The following FOCAD variants were observed in gnomAD, a reference collection of about 807,000 sequenced individuals.
FOCAD encodes KIAA1797.
FOCAD carries 198 observed loss-of-function variants against 225.6 expected under a neutral mutation model. The ratio of observed to expected loss-of-function variants is 0.88; its 90% CI spans 0.78 to 0.99. The LOEUF is 0.99. Among genes scored for constraint, FOCAD ranks in the 50% least tolerant of loss-of-function variants. FOCAD has a pLI of 0.00. For synonymous variants in FOCAD, 897 were observed against 755.0 expected (o/e 1.19, Z -3.08); for missense variants, 2,713 against 2,123.6 (o/e 1.28, Z -5.46).
chr9:20,761,514 G>A (rs968213856), intron 6 of FOCAD, among the ~76,000 whole-genome samples: 5 of 151,994 alleles, frequency 3.3e-5, no homozygotes, highest in Admixed American at 1.3e-4. Flanking sequence ...TCTGCCTCAC[G>A]GGTTCACGCC....
chr9:20,910,800 T>C (rs188005185), intron 22 of FOCAD, among the ~76,000 whole-genome samples: 1 of 152,000 alleles, frequency 6.6e-6, no homozygotes, highest in Admixed American at 6.6e-5. Flanking sequence ...TAGCCCAACA[T>C]AGATTGGGTG....
At chr9:20,777,890 C>T (rs903626927) in intron 8 of FOCAD, among the ~76,000 whole-genome samples, 37 of 151,750 alleles carry the variant, frequency 2.4e-4, no homozygotes, top group Admixed American at 6.6e-4. Flanking sequence ...ATCACGAGGT[C>T]AGGAGATCGA....
intron 8 of FOCAD, among the ~76,000 whole-genome samples, chr9:20,773,768 C>T (rs777397560): frequency 2.2e-4 from 34 of 152,250 alleles, no homozygotes; most frequent in Non-Finnish European, 4.1e-4. Context: ...TCCTCCCCCA[C>T]TTTTCTTCCC....
At chr9:20,751,850 C>G (rs1199933693) in intron 5 of FOCAD, among the ~76,000 whole-genome samples, 1 of 144,772 alleles carries the variant, frequency 6.9e-6, no homozygotes. Context: ...GATTGCCATT[C>G]TAACTGGTGT....
chr9:20,956,986 G>A (rs957322943), intron 35 of FOCAD, among the ~76,000 whole-genome samples: 2 of 152,092 alleles, frequency 1.3e-5, no homozygotes, highest in African/African-American at 4.8e-5. Context: ...GAGCCACCGT[G>A]CCTGGCCTGT....
intron 35 of FOCAD, among the ~76,000 whole-genome samples, chr9:20,967,654 T>G (rs900797098): frequency 1.3e-5 from 2 of 152,140 alleles, no homozygotes; most frequent in African/African-American, 4.8e-5. Context: ...TTCTTTATCA[T>G]GTTAACATAG....
intron 36 of FOCAD, 116 bp from the exon 37 acceptor site, chr9:20,978,223 A>G: frequency 1.7e-6 from 1 of 585,092 alleles, no homozygotes; most frequent in Non-Finnish European, 3.0e-6. Context: ...GGTTTACTGA[A>G]GTTCTGTTAC....
In FOCAD at chr9:20,826,646, A is replaced by C. The variant is rs1429453289; in HGVS notation, c.1920+3531A>C. Among the ~76,000 whole-genome samples, 3 of 152,030 alleles carry C rather than the reference A, an allele frequency of 2.0e-5. No homozygotes were observed. The East Asian group carries it at 5.8e-4, about 29-fold the overall frequency. ...AGAACCCTAATTAATATAAGTACCT[A>C]GTGTGAATTTGGACATTTTATGATA... On this transcript the variant is annotated intron_variant, in intron 15 of 43. Coordinates refer to ENST00000338382, the MANE Select transcript of FOCAD (RefSeq NM_001375567.1).
intron 24 of FOCAD, among the ~76,000 whole-genome samples, chr9:20,921,586 A>G (rs904941479): frequency 2.6e-5 from 4 of 152,232 alleles, no homozygotes; most frequent in African/African-American, 9.6e-5. Context: ...AGAGTTAGTC[A>G]TGGTACCTTT....
chr9:20,846,556 A>ACC (rs1827132853), intron 15 of FOCAD, among the ~76,000 whole-genome samples: 1 of 152,134 alleles, frequency 6.6e-6, no homozygotes, highest in Admixed American at 6.6e-5. Context: ...CCTTCTTCAA[A>ACC]CAATATTATG....
Position 20,812,577 on chromosome 9 carries a change from C to G in FOCAD, c.1456-7219C>G, listed in dbSNP as rs546396453. Among the ~76,000 whole-genome samples, 126 of 151,906 alleles carry G rather than the reference C, an allele frequency of 8.3e-4. 1 individual carries two copies. Among genetic ancestry groups the G allele is most frequent in the Admixed American group, 6.2e-3 (94 of 15,220 alleles). On this transcript the variant is annotated intron_variant, in intron 11 of 43. Transcript: ENST00000338382. ...ATTTCACTGAGATGCTGGTTTGTGT[C>G]TCTCCTGCGTGTTTTTTTCTTTATG...
chr9:20,884,148 T>A (rs1830907345), intron 20 of FOCAD, among the ~76,000 whole-genome samples: 1 of 152,150 alleles, frequency 6.6e-6, no homozygotes, highest in Non-Finnish European at 1.5e-5. Context: ...CTTAATAGAA[T>A]CTCTAGAACT....
At chr9:20,821,137 T>A (rs1332176214) in intron 14 of FOCAD, 66 bp downstream of exon 14, 2 of 1,485,500 alleles carry the variant, frequency 1.3e-6, no homozygotes, top group Non-Finnish European at 9.1e-7. Flanking sequence ...ATTTTTTAAT[T>A]GCAAGCAAGA....
intron 5 of FOCAD, among the ~76,000 whole-genome samples, chr9:20,746,837 C>T (rs1292278673): frequency 6.6e-6 from 1 of 152,070 alleles, no homozygotes; most frequent in Admixed American, 6.5e-5. Flanking sequence ...CTTTGGTTGC[C>T]ATACCTTTTT....
At chr9:20,796,036 T>C (rs879771798) in intron 11 of FOCAD, among the ~76,000 whole-genome samples, 1 of 145,322 alleles carries the variant, frequency 6.9e-6, no homozygotes, top group Non-Finnish European at 1.5e-5. Flanking sequence ...CATTGTTCAA[T>C]TCCCACCTAT....
intron 35 of FOCAD, among the ~76,000 whole-genome samples, chr9:20,969,369 A>G (rs1216909052): frequency 2.0e-5 from 3 of 152,042 alleles, no homozygotes; most frequent in Non-Finnish European, 2.9e-5. Context: ...TTGAAGGTAG[A>G]GTATTGAAGC....
At chr9:20,871,933 A>T (rs201978357) in intron 18 of FOCAD, among the ~76,000 whole-genome samples, 46 of 144,100 alleles carry the variant, frequency 3.2e-4, no homozygotes, top group East Asian at 2.7e-3. Flanking sequence ...AAAAAAAATT[A>T]AAAAAAAAAG....
At chr9:20,885,313 T>C (rs1435432973) in intron 21 of FOCAD, 83 bp downstream of exon 21, 2 of 1,263,896 alleles carry the variant, frequency 1.6e-6, no homozygotes, top group East Asian at 3.1e-5. Context: ...TTAGAAATAA[T>C]TTTTTTGATC....
intron 11 of FOCAD, among the ~76,000 whole-genome samples, chr9:20,797,985 GTC>G (rs1211306865): frequency 5.3e-5 from 8 of 152,130 alleles, no homozygotes; most frequent in Non-Finnish European, 1.0e-4. Flanking sequence ...CTGTGGGTTT[GTC>G]ATAGATAGCT....
Sources: allele counts gnomAD v4.1 joint callset (sites outside exome capture counted in the v4.1 genomes callset), GRCh38; gene constraint gnomAD v4.1.1; transcripts MANE v1.5; gene names NCBI Gene and HGNC (gene_info 2026-07-23, HGNC 2026-07-21).